DIS3: variants seen among roughly 807,000 people sequenced by gnomAD.
DIS3 encodes DIS3 exosome endoribonuclease and 3'-5' exoribonuclease, also known as exosome complex exonuclease RRP44.
In DIS3, 103 loss-of-function variants were observed where a neutral mutation model predicts 113.0. That is an observed-to-expected ratio of 0.91 (90% CI 0.78 to 1.07). The LOEUF (loss-of-function observed/expected upper bound fraction) is 1.07. DIS3 is among the 50% of genes least tolerant of loss of function. DIS3 has a pLI of 0.00. For synonymous variants in DIS3, 402 were observed against 394.3 expected, an observed-to-expected ratio of 1.02 and a Z score of -0.23; for missense variants, 1,121 against 1,167.1, an observed-to-expected ratio of 0.96 and a Z score of 0.58.
chr13:72,763,721 G>A lies in DIS3; in HGVS notation c.1971-114C>T, dbSNP rs755214810. ...AGAAGATAATAAGAGCATTTCCTAT[G>A]TAAACATTCATATGTGTGTGTACAT... is the stretch of plus-strand genomic sequence containing the variant. On this transcript the variant is annotated intron_variant, in intron 15 of 20. Coordinates refer to ENST00000377767, the MANE Select transcript of DIS3 (RefSeq NM_014953.5). 3.9e-4 allele frequency: 404 copies of A among 1,034,432 alleles called. 2 individuals carry two copies. Among genetic ancestry groups the A allele is most frequent in the Middle Eastern group, 3.2e-4 (1 of 3,158 alleles). 64.1% of individuals were successfully genotyped at this position (1,034,432 alleles called of 1,614,324 possible).
chr13:72,774,253 TTGA>T (rs1159911044), intron 6 of DIS3, among the ~76,000 whole-genome samples, 194 bp from the exon 7 acceptor site: 2 of 152,098 alleles, frequency 1.3e-5, no homozygotes, highest in Admixed American at 6.6e-5. Context: ...ACATTCTCTC[TTGA>T]TAATAAAGTA....
intron 1 of DIS3, chr13:72,781,370 G>A (rs1354127942): frequency 1.2e-5 from 18 of 1,549,020 alleles, no homozygotes; most frequent in Non-Finnish European, 1.6e-5. Context: ...AGGCAGAAGA[G>A]ACACCAGGAG....
In DIS3 at chr13:72,779,928, C is replaced by A. The variant is rs566202296; in HGVS notation, c.386+918G>T. Among the ~76,000 whole-genome samples the A allele has an allele frequency of 8.5e-5, 13 of 152,250 alleles. No individual in the cohort carries two copies. The East Asian group carries it at 1.5e-3, about 18-fold the overall frequency. ...GCCCTGATCTAATCCAATAAAAGTA[C>A]CATACTCATCATAGATTATTTATGT... On this transcript the variant is annotated intron_variant, in intron 2 of 20. Coordinates refer to ENST00000377767, the MANE Select transcript of DIS3 (RefSeq NM_014953.5).
intron 13 of DIS3, among the ~76,000 whole-genome samples, chr13:72,770,011 A>G (rs1425665657): frequency 6.6e-6 from 1 of 152,226 alleles, no homozygotes; most frequent in African/African-American, 2.4e-5. Flanking sequence ...ATGAATAAAC[A>G]TGATCTCAGG....
intron 10 of DIS3, 67 bp downstream of exon 10, chr13:72,772,092 T>C: frequency 2.2e-6 from 3 of 1,384,200 alleles, no homozygotes; most frequent in Non-Finnish European, 3.0e-6. Context: ...AATTCTATTC[T>C]AGTTCAAAAG....
In DIS3 at chr13:72,753,894, A is replaced by G. The variant is rs149985333; in HGVS notation, c.*5901T>C. ...ATAAAATAATTTTGATTATTAGACA[A>G]TAGTACTATTGAGAAACTATATGAA... On this transcript the variant is annotated 3_prime_UTR_variant, in exon 21 of 21. Coordinates refer to ENST00000377767, the MANE Select transcript of DIS3 (RefSeq NM_014953.5). 411 of 1,375,590 alleles carry G rather than the reference A, an allele frequency of 3.0e-4. No individual in the cohort carries two copies. Among genetic ancestry groups the G allele is most frequent in the Admixed American group, 3.9e-4 (19 of 48,456 alleles). The allele number at this position is 1,375,590 out of a possible 1,614,324, so 85.2% of individuals were successfully genotyped here.
Position 72,757,847 on chromosome 13 carries a change from TGATGATCCCGTAA to T in DIS3, c.*1935_*1947del, listed in dbSNP as rs2033528576. 9.6e-6 allele frequency: 2 copies of T among 209,334 alleles called. No individual in the cohort carries two copies. Among genetic ancestry groups the T allele is most frequent in the South Asian group, 3.8e-4 (2 of 5,294 alleles). The allele number at this position is 209,334 out of a possible 1,614,324, so 13.0% of individuals were successfully genotyped here. A position where few individuals can be genotyped will look rare whatever the true frequency, so the allele number is the denominator to read the frequency against. On this transcript the variant is annotated 3_prime_UTR_variant, in exon 21 of 21. Transcript: ENST00000377767. ...TGGTCAACAATGGCCAAATATACGATGATGATCCCGTAAGATTACAATGGAGCTGAAAAATTCC... is the reference window on the plus strand; with the variant it reads ...TGGTCAACAATGGCCAAATATACGATGATTACAATGGAGCTGAAAAATTCC...
At position 72,772,205 on chromosome 13, in the gene DIS3, A is replaced by AT; in HGVS notation, c.1456dup (p.Ile486AsnfsTer23). 1 of 1,613,598 alleles carries AT rather than the reference A, an allele frequency of 6.2e-7. No homozygotes were observed. Among genetic ancestry groups the AT allele is most frequent in the South Asian group, 1.1e-5 (1 of 91,062 alleles). On this transcript the variant is annotated frameshift_variant, in exon 10 of 21. Coordinates refer to ENST00000377767, the MANE Select transcript of DIS3 (RefSeq NM_014953.5). LOFTEE classifies it high-confidence loss of function. ...TTCTCGACAATGTAGAGCATCGTCT[A>AT]TATCAGTACATCCTGGTGGGTCTAC...
Position 72,759,575 on chromosome 13 carries a change from C to T in DIS3, c.*220G>A, listed in dbSNP as rs1486781499. The T allele has an allele frequency of 4.5e-6, 2 of 443,980 alleles. No individual in the cohort carries two copies. The highest frequency in any genetic ancestry group is 2.0e-5 in the African/African-American group (1 of 49,842). 27.5% of individuals were successfully genotyped at this position (443,980 alleles called of 1,614,324 possible). ...TCACTGTATTTAAGTGATGGATATT[C>T]AATTGAATTATTCTGCATAAATAAT... On this transcript the variant is annotated 3_prime_UTR_variant, in exon 21 of 21. Coordinates refer to ENST00000377767, the MANE Select transcript of DIS3 (RefSeq NM_014953.5).
In DIS3 at chr13:72,752,497, C is replaced by T. The variant is rs7325327; in HGVS notation, c.*7298G>A. 1.7e-3 allele frequency: 265 copies of T among 152,336 alleles called. 3 individuals carry two copies. Among genetic ancestry groups the T allele is most frequent in the African/African-American group, 5.8e-3 (243 of 41,582 alleles). 9.4% of individuals were successfully genotyped at this position (152,336 alleles called of 1,614,324 possible). ...CCTGCTGTACTAATGAGTAACTCTTCCCTCCATATATATCCAGTTACATAT... is the reference window on the plus strand; with the variant it reads ...CCTGCTGTACTAATGAGTAACTCTTTCCTCCATATATATCCAGTTACATAT... On this transcript the variant is annotated 3_prime_UTR_variant, in exon 21 of 21. Transcript: ENST00000377767.
At position 72,770,885 on chromosome 13, in the gene DIS3, TAA is replaced by T; in HGVS notation, c.1755+17_1755+18del. 1 of 1,549,490 alleles carries T rather than the reference TAA, an allele frequency of 6.5e-7. No homozygotes were observed. On this transcript the variant is annotated intron_variant, in intron 13 of 20. Transcript: ENST00000377767. ...ACCAAAAAGTTTAAAAATTAGAGAT[TAA>T]TAGCCATGAAACGAACCTTTGAATT...
At chr13:72,771,280 A>G in intron 11 of DIS3, 135 bp from the exon 12 acceptor site, 2 of 700,216 alleles carry the variant, frequency 2.9e-6, no homozygotes, top group Non-Finnish European at 4.7e-6. Flanking sequence ...GAGAATTGAG[A>G]AAAGGTCAAA....
chr13:72,771,256 CT>C (rs2033880129), intron 11 of DIS3, 111 bp from the exon 12 acceptor site: 1 of 876,032 alleles, frequency 1.1e-6, no homozygotes, highest in Non-Finnish European at 1.7e-6. Context: ...GAGTGTTCTG[CT>C]TTTTGTAAAT....
At position 72,760,431 on chromosome 13, in the gene DIS3, T is replaced by A. The variant is rs891669521; in HGVS notation, c.2793+98A>T. 8 of 1,466,794 alleles carry A rather than the reference T, an allele frequency of 5.5e-6. No individual in the cohort carries two copies. In the African/African-American group the frequency reaches 1.1e-4, roughly 21 times the overall value. The allele number at this position is 1,466,794 out of a possible 1,614,324, so 90.9% of individuals were successfully genotyped here. ...TTTGGTTTCTACACTACTTACAGGG[T>A]TCCCTCTAACATTAAACAGAAATAA... On this transcript the variant is annotated intron_variant, in intron 20 of 20. Coordinates refer to ENST00000377767, the MANE Select transcript of DIS3 (RefSeq NM_014953.5).
rs1244160070 is a variant in DIS3, at chr13:72,765,982, T to C, written c.1960A>G (p.Lys654Glu). 1 of 1,605,914 alleles carries C rather than the reference T, an allele frequency of 6.2e-7. No individual in the cohort carries two copies. The highest frequency in any genetic ancestry group is 2.2e-5 in the East Asian group (1 of 44,792). The change falls in exon 15 of 21, where the codon AAG (lysine) becomes GAG (glutamate). Residue 654 changes from lysine (K) to glutamate (E), a missense_variant. Transcript: ENST00000377767. ...AAAAAAATTACAAACCTAAGTTCCT[T>C]GGTCTGCAGATCTATAGGATCGTGA... ...ETHDPIDLQT[K>E]ELRETNSMVE...
rs775263760 is a variant in DIS3, at chr13:72,781,789, C to G, written c.44G>C (p.Gly15Ala). 10 of 1,604,708 alleles carry G rather than the reference C, an allele frequency of 6.2e-6. No homozygotes were observed. The highest frequency in any genetic ancestry group is 8.5e-6 in the Non-Finnish European group (10 of 1,175,590). The change falls in exon 1 of 21, where the codon GGC becomes GCC. Residue 15 changes from glycine (G) to alanine (A), a missense_variant. By Grantham distance (60) the Gly-to-Ala change is moderately conservative. This residue lies in a region of DIS3 where 254 missense variants were observed against 232.2 expected (regional missense o/e 1.09). Coordinates refer to ENST00000377767, the MANE Select transcript of DIS3 (RefSeq NM_014953.5). ...KTFLKKTRAG[G>A]VMKIVREHYL... ...GTGCTCGCGCACGATCTTCATCACG[C>G]CGCCCGCCCGGGTCTTTTTTAAGAA...
In DIS3 at chr13:72,761,484, G is replaced by C; in HGVS notation, c.2549C>G (p.Ala850Gly). ...ATTCTTTCTTACAAATAAAATATAG[G>C]CTTCTTCACTTACTATTCCTTTGCT... Reference protein sequence around the residue: ...FKSKGIVSEEAYILFVRKNAI... With the variant: ...FKSKGIVSEEGYILFVRKNAI... Residue 850 changes from alanine (A) to glycine (G), a missense_variant, in exon 19 of 21, where the codon GCC becomes GGC. Around this residue, in one of 3 missense-constraint regions of DIS3, gnomAD observed 861 missense variants for 915.5 expected, o/e 0.94. Coordinates refer to ENST00000377767, the MANE Select transcript of DIS3 (RefSeq NM_014953.5). 2 of 1,604,534 alleles carry C rather than the reference G, an allele frequency of 1.2e-6. No homozygotes were observed. Among genetic ancestry groups the C allele is most frequent in the African/African-American group, 2.7e-5 (2 of 74,428 alleles).
chr13:72,759,794 G>A lies in DIS3; in HGVS notation c.*1C>T, dbSNP rs756017913. ...TCTTTGAAGATTTTTGTTGAATATA[G>A]CTATTTTCCAAGCTTCATCTTCTTT... On this transcript the variant is annotated 3_prime_UTR_variant, in exon 21 of 21. Coordinates refer to ENST00000377767, the MANE Select transcript of DIS3 (RefSeq NM_014953.5). 1.9e-6 allele frequency: 3 copies of A among 1,610,580 alleles called. No individual in the cohort carries two copies. Among genetic ancestry groups the A allele is most frequent in the African/African-American group, 1.3e-5 (1 of 74,716 alleles).
intron 3 of DIS3, among the ~76,000 whole-genome samples, chr13:72,777,859 T>C (rs1284186685): frequency 6.6e-6 from 1 of 151,984 alleles, no homozygotes; most frequent in African/African-American, 2.4e-5. Flanking sequence ...AGTGCTGGGA[T>C]TACAGCACCT....
Sources: gnomAD v4.1 joint callset for allele counts (sites outside exome capture counted in the v4.1 genomes callset) on GRCh38, gnomAD v4.1.1 for gene constraint, gnomAD v4.1.1 regional missense constraint, MANE v1.5 for transcripts, NCBI Gene and HGNC (gene_info 2026-07-23, HGNC 2026-07-21) for gene names.